The following PBRM1 variants were observed in gnomAD, a reference collection of about 807,000 sequenced individuals.
The protein encoded by PBRM1 is polybromo 1.
In PBRM1, 27 loss-of-function variants were observed where a neutral mutation model predicts 194.5. The observed-to-expected ratio is 0.14, with a 90% CI of 0.10 to 0.19. PBRM1 has a LOEUF of 0.19. Ranked by LOEUF, PBRM1 falls within the 10% of genes least tolerant of loss-of-function variation. The pLI, the probability that PBRM1 is intolerant of heterozygous loss-of-function variation, is 1.00. For missense variants in PBRM1, 1,466 were observed against 2,077.2 expected, an observed-to-expected ratio of 0.71 and a Z score of 5.72; for synonymous variants, 655 against 693.2, an observed-to-expected ratio of 0.94 and a Z score of 0.87.
At chr3:52,550,323 A>G in intron 29 of PBRM1, 98 bp downstream of exon 31, 1 of 468,982 alleles carries the variant, frequency 2.1e-6, no homozygotes, top group African/African-American at 2.0e-5. Context: ...TTGTATAAGA[A>G]AAAGGGGTGT....
At chr3:52,644,298 A>C (rs2096221747) in intron 8 of PBRM1, among the ~76,000 whole-genome samples, 1 of 152,154 alleles carries the variant, frequency 6.6e-6, no homozygotes, top group Non-Finnish European at 1.5e-5. Flanking sequence ...TGTAAGTATC[A>C]CCTTGAAATG....
intron 20 of PBRM1, among the ~76,000 whole-genome samples, chr3:52,584,351 T>G (rs2091978081): frequency 6.6e-6 from 1 of 152,118 alleles, no homozygotes; most frequent in South Asian, 2.1e-4. Context: ...ATGAAGACTA[T>G]TCATTTACAT....
In PBRM1 at chr3:52,642,064, C is replaced by G. The variant is rs1488041458; in HGVS notation, c.996-19G>C. On this transcript the variant is annotated intron_variant, in intron 9 of 29. Transcript: ENST00000296302. ...TTTATTACTACAAAAAAAAAAAAAG[C>G]AATTAGACAGGGAAGGATGTTATAA... The G allele has an allele frequency of 9.2e-7, 1 of 1,083,580 alleles. No homozygotes were observed. The allele number at this position is 1,083,580 out of a possible 1,614,324, so 67.1% of individuals were successfully genotyped here.
Position 52,635,097 on chromosome 3 carries a change from T to C in PBRM1, c.1088-282A>G, listed in dbSNP as rs576110332. ...CACACCATCACACCCAGCTAATTTTTGGATTTTTCAGTAGAGATGGGGTTT... is the reference window on the plus strand; with the variant it reads ...CACACCATCACACCCAGCTAATTTTCGGATTTTTCAGTAGAGATGGGGTTT... On this transcript the variant is annotated intron_variant, in intron 10 of 29. Transcript: ENST00000296302. 3.9e-5 allele frequency among the ~76,000 whole-genome samples: 6 copies of C among 152,132 alleles called. No individual in the cohort carries two copies. The South Asian group carries it at 8.3e-4, about 21-fold the overall frequency.
intron 19 of PBRM1, 70 bp downstream of exon 21, chr3:52,587,283 T>C (rs1376290533): frequency 5.3e-6 from 6 of 1,136,316 alleles, no homozygotes; most frequent in Non-Finnish European, 7.8e-6. Context: ...TAAACATCGA[T>C]TATTTTCTGT....
At chr3:52,624,217 C>A (rs769630278) in intron 13 of PBRM1, among the ~76,000 whole-genome samples, 1 of 152,136 alleles carries the variant, frequency 6.6e-6, no homozygotes, top group Non-Finnish European at 1.5e-5. Context: ...CTTTCCTTGG[C>A]CTATATGTTC....
At chr3:52,664,198 A>G (rs1285981151) in intron 3 of PBRM1, among the ~76,000 whole-genome samples, 1 of 151,940 alleles carries the variant, frequency 6.6e-6, no homozygotes, top group Non-Finnish European at 1.5e-5. Flanking sequence ...TAGCCAGTGC[A>G]CTCCAGCCTG....
intron 22 of PBRM1, among the ~76,000 whole-genome samples, chr3:52,573,270 G>A (rs2088079153): frequency 6.6e-6 from 1 of 151,920 alleles, no homozygotes; most frequent in South Asian, 2.1e-4. Context: ...ACTGTAGAAT[G>A]CAACACATTT....
At chr3:52,669,899 T>C (rs1050771760) in intron 2 of PBRM1, among the ~76,000 whole-genome samples, 9 of 152,178 alleles carry the variant, frequency 5.9e-5, no homozygotes, top group African/African-American at 1.7e-4. Context: ...GGTCCACTTA[T>C]ATGGGAACTC....
At chr3:52,551,009 G>C (rs1348305388) in intron 27 of PBRM1, among the ~76,000 whole-genome samples, 192 bp from the exon 30 acceptor site, 2 of 152,206 alleles carry the variant, frequency 1.3e-5, no homozygotes, top group Non-Finnish European at 2.9e-5. Context: ...GGTACTTAAA[G>C]TATAATACTA....
intron 19 of PBRM1, among the ~76,000 whole-genome samples, chr3:52,586,906 T>C (rs924000694): frequency 2.0e-5 from 3 of 152,242 alleles, no homozygotes; most frequent in Non-Finnish European, 2.9e-5. Flanking sequence ...CCCTTTAAAT[T>C]ATAAAAACAA....
At chr3:52,644,629 C>CT (rs1186854579) in intron 8 of PBRM1, 75 bp downstream of exon 9, 1 of 624,714 alleles carries the variant, frequency 1.6e-6, no homozygotes, top group East Asian at 3.2e-5. Flanking sequence ...GTGATCCGCC[C>CT]ACCTCAGCCT....
At chr3:52,620,803 TAAGTA>T (rs1199867523) in intron 13 of PBRM1, among the ~76,000 whole-genome samples, 2 of 152,212 alleles carry the variant, frequency 1.3e-5, no homozygotes, top group East Asian at 1.9e-4. Flanking sequence ...ATTTATTCCT[TAAGTA>T]AAGGATGTGT....
chr3:52,564,780 T>C (rs1051541664), intron 22 of PBRM1, among the ~76,000 whole-genome samples: 20 of 152,178 alleles, frequency 1.3e-4, no homozygotes, highest in Admixed American at 1.2e-3. Flanking sequence ...TGATTTTTGA[T>C]AAGGGTTCCA....
chr3:52,567,347 G>A (rs2085579247), intron 22 of PBRM1, among the ~76,000 whole-genome samples: 1 of 151,816 alleles, frequency 6.6e-6, no homozygotes, highest in Admixed American at 6.6e-5. Flanking sequence ...TTTGCACGTA[G>A]GTGAATACAT....
chr3:52,599,970 T>A (rs1045785721), intron 17 of PBRM1, among the ~76,000 whole-genome samples: 1 of 152,204 alleles, frequency 6.6e-6, no homozygotes, highest in African/African-American at 2.4e-5. Flanking sequence ...AAAATCTGCC[T>A]TTTAAACCAA....
At position 52,567,945 on chromosome 3, in the gene PBRM1, A is replaced by G. The variant is rs111602550; in HGVS notation, c.3692-3712T>C. On this transcript the variant is annotated intron_variant, in intron 22 of 29. Coordinates refer to ENST00000296302, the Ensembl canonical transcript of PBRM1. The stretch of plus-strand genomic sequence containing the variant: ...ATTACAGGTGTGAACCACCGTGCCC[A>G]GCCGGGTATATTTTCATTTGTTTAA... Among the ~76,000 whole-genome samples, 1,211 of 150,138 alleles carry G rather than the reference A, an allele frequency of 8.1e-3. 24 individuals carry two copies. The highest frequency in any genetic ancestry group is 0.028 in the African/African-American group (1,157 of 40,882).
At chr3:52,583,152 G>T (rs1022318360) in intron 20 of PBRM1, among the ~76,000 whole-genome samples, 1 of 146,956 alleles carries the variant, frequency 6.8e-6, no homozygotes, top group African/African-American at 2.5e-5. Flanking sequence ...GCTCACACCT[G>T]TAATACTAGC....
At chr3:52,576,632 T>C (rs774983349) in exon 22 of PBRM1, 13 of 1,610,524 alleles carry the variant, frequency 8.1e-6, no homozygotes, top group African/African-American at 1.3e-5. Context: ...GCTCTGTTTC[T>C]TCTGGGTGAA....
Sources: gnomAD v4.1 joint callset for allele counts (sites outside exome capture counted in the v4.1 genomes callset) on GRCh38, gnomAD v4.1.1 for gene constraint, MANE v1.5 for transcripts, NCBI Gene and HGNC (gene_info 2026-07-23, HGNC 2026-07-21) for gene names.